Variants in PTPRN2 observed in about 807,000 individuals in gnomAD.
PTPRN2 encodes the protein protein tyrosine phosphatase receptor type N2.
PTPRN2 carries 74 observed loss-of-function variants against 118.8 expected under a neutral mutation model. The observed-to-expected ratio is 0.62, with a 90% CI of 0.52 to 0.76. PTPRN2 has a LOEUF of 0.76. Among genes scored for constraint, PTPRN2 ranks in the 30% least tolerant of loss-of-function variants. The probability of loss-of-function intolerance (pLI) is 0.00; values close to 1 mark genes in which losing one functional copy is unlikely to be tolerated. For missense variants in PTPRN2, 1,481 were observed against 1,394.4 expected, an observed-to-expected ratio of 1.06 and a Z score of -0.99; for synonymous variants, 641 against 608.0, an observed-to-expected ratio of 1.05 and a Z score of -0.80.
At position 157,953,248 on chromosome 7, in the gene PTPRN2, C is replaced by T. The variant is rs1003869134; in HGVS notation, c.1724-54511G>A. On this transcript the variant is annotated intron_variant, in intron 11 of 22. Transcript: ENST00000389418. The surrounding 1 kb of genome is among the most constrained non-coding windows in gnomAD (Gnocchi z 4.6). ...CCGTGTTCAATATGTGATGAGCTTTCGGGAAGGACAGGAGAGCCGGGTGTG... is the reference window on the plus strand; with the variant it reads ...CCGTGTTCAATATGTGATGAGCTTTTGGGAAGGACAGGAGAGCCGGGTGTG... Among the ~76,000 whole-genome samples, 2 of 152,152 alleles carry T rather than the reference C, an allele frequency of 1.3e-5. No individual in the cohort carries two copies. Among genetic ancestry groups the T allele is most frequent in the Non-Finnish European group, 2.9e-5 (2 of 68,022 alleles).
intron 11 of PTPRN2, among the ~76,000 whole-genome samples, chr7:157,967,243 G>A (rs534173605): frequency 8.5e-5 from 13 of 152,184 alleles, no homozygotes; most frequent in South Asian, 2.1e-4. Context: ...CTAGGAGGTC[G>A]AGGCTGCAGT....
rs151072517 is a variant in PTPRN2 at position 158,078,082 on chromosome 7, C to A, written c.1723+3216G>T. 3.0e-3 allele frequency among the ~76,000 whole-genome samples: 458 copies of A among 152,294 alleles called. 2 individuals are homozygous for A. The highest frequency in any genetic ancestry group is 0.01 in the African/African-American group (417 of 41,556). On this transcript the variant is annotated intron_variant, in intron 11 of 22. Transcript: ENST00000389418. ...AGCATTGCCTACGATAAAGAGGAGA[C>A]GCTGAGTAATGGAAAGCAGCTGCCC...
chr7:158,376,278 C>T (rs1444441140), intron 2 of PTPRN2, among the ~76,000 whole-genome samples: 2 of 152,008 alleles, frequency 1.3e-5, no homozygotes, highest in African/African-American at 2.4e-5. Context: ...CCCCCACAGC[C>T]CTGTCACACG....
intron 12 of PTPRN2, among the ~76,000 whole-genome samples, chr7:157,830,349 C>A (rs1283695456): frequency 1.3e-5 from 2 of 152,218 alleles, no homozygotes; most frequent in Non-Finnish European, 2.9e-5. Flanking sequence ...TATCATCCTG[C>A]AAATCAACGA....
intron 12 of PTPRN2, among the ~76,000 whole-genome samples, chr7:157,896,191 G>A (rs755097254): frequency 1.3e-5 from 2 of 150,864 alleles, no homozygotes; most frequent in Non-Finnish European, 2.9e-5. Context: ...ATGAAACCCA[G>A]ATCCCCCAAT....
At chr7:157,942,685 C>A (rs1359881558) in intron 11 of PTPRN2, among the ~76,000 whole-genome samples, 1 of 152,116 alleles carries the variant, frequency 6.6e-6, no homozygotes, top group Non-Finnish European at 1.5e-5. Context: ...CCCAGTCCCT[C>A]ACTGTCTTTC....
intron 2 of PTPRN2, among the ~76,000 whole-genome samples, chr7:158,484,870 T>C (rs1481235892): frequency 6.6e-6 from 1 of 152,164 alleles, no homozygotes; most frequent in Admixed American, 6.5e-5. Flanking sequence ...GGGCTTGGAA[T>C]AGAAGAAGCT....
intron 3 of PTPRN2, among the ~76,000 whole-genome samples, chr7:158,294,075 T>A (rs748865847): frequency 6.6e-6 from 1 of 151,956 alleles, no homozygotes; most frequent in Non-Finnish European, 1.5e-5. Context: ...CAAGTGGGAG[T>A]GCAGTTGGCT....
intron 3 of PTPRN2, among the ~76,000 whole-genome samples, chr7:158,267,649 C>A (rs528316874): frequency 1.3e-5 from 2 of 152,326 alleles, no homozygotes; most frequent in African/African-American, 4.8e-5. Flanking sequence ...CTGGTTAGAG[C>A]CGTTGTGGGC....
chr7:158,061,669 C>G (rs899854706), intron 11 of PTPRN2, among the ~76,000 whole-genome samples: 1 of 152,200 alleles, frequency 6.6e-6, no homozygotes, highest in African/African-American at 2.4e-5. Flanking sequence ...TGCCCATGGT[C>G]CAAGAGCCGT....
At chr7:158,043,012 C>T (rs1343999162) in intron 11 of PTPRN2, among the ~76,000 whole-genome samples, 2 of 152,070 alleles carry the variant, frequency 1.3e-5, no homozygotes, top group Non-Finnish European at 2.9e-5. Context: ...CATTCCAAGA[C>T]AGAGACCAAA....
At chr7:157,839,713 T>A (rs1808228620) in intron 12 of PTPRN2, among the ~76,000 whole-genome samples, 1 of 151,864 alleles carries the variant, frequency 6.6e-6, no homozygotes, top group Non-Finnish European at 1.5e-5. Context: ...GGAGTGCATG[T>A]CTGTGTGACT....
rs1231989245 is a variant in PTPRN2, at chr7:157,550,603, T to C, written c.2903-1584A>G. Among the ~76,000 whole-genome samples the C allele has an allele frequency of 6.6e-6, 1 of 152,182 alleles. No individual in the cohort carries two copies. Among genetic ancestry groups the C allele is most frequent in the Non-Finnish European group, 1.5e-5 (1 of 68,026 alleles). On this transcript the variant is annotated intron_variant, in intron 21 of 22. Transcript: ENST00000389418. This position sits in a 1 kb window ranked among gnomAD's most constrained non-coding sequence, Gnocchi z 5.2. The stretch of plus-strand genomic sequence containing the variant: ...CATTTCCTGGCAGGAACAGGGCTCG[T>C]GGTGATGGGAGCCACTGTCGGGGCT...
chr7:158,269,540 T>C (rs760297511), intron 3 of PTPRN2, among the ~76,000 whole-genome samples: 6 of 152,188 alleles, frequency 3.9e-5, no homozygotes, highest in Non-Finnish European at 4.4e-5. Flanking sequence ...TAAAACTATT[T>C]GGCATTTTCA....
intron 12 of PTPRN2, among the ~76,000 whole-genome samples, chr7:157,828,890 C>T (rs1166293937): frequency 2.0e-5 from 3 of 152,208 alleles, no homozygotes; most frequent in African/African-American, 2.4e-5. Context: ...AAGGGCAAGC[C>T]GTTTGGAGTC....
intron 1 of PTPRN2, among the ~76,000 whole-genome samples, chr7:158,511,820 C>G (rs1362376639): frequency 1.3e-5 from 2 of 152,172 alleles, no homozygotes; most frequent in African/African-American, 4.8e-5. Context: ...TGAAAGCAGC[C>G]AGTCTGAAAA....
chr7:157,666,781 T>C (rs1223041936), intron 13 of PTPRN2, among the ~76,000 whole-genome samples: 2 of 152,226 alleles, frequency 1.3e-5, no homozygotes, highest in Non-Finnish European at 1.5e-5. Context: ...GTACAAGGCC[T>C]GGCTTGCAGA....
chr7:158,109,899 CT>C (rs1816075402), intron 10 of PTPRN2, among the ~76,000 whole-genome samples: 1 of 151,538 alleles, frequency 6.6e-6, no homozygotes, highest in Non-Finnish European at 1.5e-5. Context: ...GATGTCACCC[CT>C]GTGTGAAGAG....
At chr7:158,274,967 C>T (rs1798861696) in intron 3 of PTPRN2, among the ~76,000 whole-genome samples, 1 of 152,220 alleles carries the variant, frequency 6.6e-6, no homozygotes, top group Non-Finnish European at 1.5e-5. Flanking sequence ...CACCACAGAT[C>T]AACTCCTGGG....
Sources: allele counts gnomAD v4.1 joint callset (sites outside exome capture counted in the v4.1 genomes callset), GRCh38; gene constraint gnomAD v4.1.1; non-coding constraint Gnocchi (gnomAD v3.1); transcripts MANE v1.5; gene names NCBI Gene and HGNC (gene_info 2026-07-23, HGNC 2026-07-21).